Variants in WDR41 observed in about 807,000 individuals in gnomAD.
WDR41 encodes the protein WD repeat domain 41, also known as WD repeat-containing protein 41.
WDR41 carries 63 observed loss-of-function variants against 69.3 expected under a neutral mutation model. The ratio of observed to expected loss-of-function variants is 0.91; its 90% CI spans 0.74 to 1.12. The LOEUF is 1.12. Ranked by LOEUF, WDR41 falls within the 50% of genes most tolerant of loss-of-function variation. The probability of loss-of-function intolerance (pLI) is 0.00; values close to 1 mark genes in which losing one functional copy is unlikely to be tolerated. For synonymous variants in WDR41, 185 were observed against 192.1 expected (o/e 0.96, Z 0.31); for missense variants, 543 against 534.5 (o/e 1.02, Z -0.16).
At chr5:77,544,097 C>G (rs1743145783) in intron 1 of WDR41, among the ~76,000 whole-genome samples, 1 of 152,058 alleles carries the variant, frequency 6.6e-6, no homozygotes, top group South Asian at 2.1e-4. Context: ...CAAACAAATG[C>G]TGAAAGAATT....
intron 1 of WDR41, among the ~76,000 whole-genome samples, chr5:77,586,040 T>C (rs957988064): frequency 3.9e-5 from 6 of 152,192 alleles, no homozygotes; most frequent in Non-Finnish European, 2.9e-5. Flanking sequence ...AAAATAACTC[T>C]ATCTAAAACT....
intron 2 of WDR41, among the ~76,000 whole-genome samples, chr5:77,469,742 A>AAAG (rs1800483519): frequency 1.1e-5 from 1 of 88,152 alleles, no homozygotes; most frequent in African/African-American, 8.3e-5. Context: ...AAAAAGGATA[A>AAAG]AAAGAAACAA....
At chr5:77,499,085 G>C (rs1442234253) in intron 1 of WDR41, among the ~76,000 whole-genome samples, 1 of 152,132 alleles carries the variant, frequency 6.6e-6, no homozygotes, top group Non-Finnish European at 1.5e-5. Flanking sequence ...GTCCAGTTCT[G>C]AGTGAGATAG....
intron 1 of WDR41, among the ~76,000 whole-genome samples, chr5:77,556,070 A>G (rs2112248935): frequency 6.6e-6 from 1 of 150,736 alleles, no homozygotes; most frequent in South Asian, 2.1e-4. Context: ...TTGATTTTTG[A>G]CAAAGGTGGT....
At chr5:77,475,450 C>T (rs1800866223) in intron 2 of WDR41, among the ~76,000 whole-genome samples, 1 of 152,198 alleles carries the variant, frequency 6.6e-6, no homozygotes, top group African/African-American at 2.4e-5. Flanking sequence ...AGCAGTGGTT[C>T]TCCCAGCACG....
At chr5:77,517,030 GGAAAAA>G (rs1374136785) in intron 1 of WDR41, among the ~76,000 whole-genome samples, 1 of 149,494 alleles carries the variant, frequency 6.7e-6, no homozygotes, top group Non-Finnish European at 1.5e-5. Flanking sequence ...AAAAAAAAAA[GGAAAAA>G]GAAAAAGAAA....
chr5:77,492,302 G>C lies in WDR41; in HGVS notation c.-82C>G, dbSNP rs574785165. 13 of 1,572,582 alleles carry C rather than the reference G, an allele frequency of 8.3e-6. No homozygotes were observed. Among genetic ancestry groups the C allele is most frequent in the East Asian group, 6.8e-5 (3 of 43,936 alleles). ...AGGCTCGGCCTCCTCCTTCCTCCCCGGCTGCAGCGCAACTGAGACGCTAAT... is the reference window on the plus strand; with the variant it reads ...AGGCTCGGCCTCCTCCTTCCTCCCCCGCTGCAGCGCAACTGAGACGCTAAT... On this transcript the variant is annotated 5_prime_UTR_variant, in exon 1 of 13. Coordinates refer to ENST00000296679, the MANE Select transcript of WDR41 (RefSeq NM_018268.4).
chr5:77,559,435 C>A (rs930456299), intron 1 of WDR41, among the ~76,000 whole-genome samples: 3 of 152,002 alleles, frequency 2.0e-5, no homozygotes, highest in Admixed American at 2.0e-4. Context: ...TAACAACAGG[C>A]TGGCAAAATT....
intron 2 of WDR41, among the ~76,000 whole-genome samples, chr5:77,485,688 C>T (rs1801486283): frequency 6.6e-6 from 1 of 152,154 alleles, no homozygotes; most frequent in Non-Finnish European, 1.5e-5. Context: ...TTTGCTGAGG[C>T]TTAACCTTCT....
At chr5:77,472,204 C>T (rs1246541119) in intron 2 of WDR41, among the ~76,000 whole-genome samples, 3 of 152,134 alleles carry the variant, frequency 2.0e-5, no homozygotes, top group Non-Finnish European at 4.4e-5. Context: ...GCAGAAAAGG[C>T]CTTTGACAAA....
chr5:77,593,670 T>C lies in WDR41; in HGVS notation c.42+26809A>G, dbSNP rs138592182. On this transcript the variant is annotated intron_variant, in intron 1 of 5. Coordinates refer to the WDR41 transcript ENST00000509971. ...CTAGTTTATAAAAATATTATAGGCA[T>C]AGAATATTAAAGCTGGAAGAGACTT... Among the ~76,000 whole-genome samples, 506 of 152,234 alleles carry C rather than the reference T, an allele frequency of 3.3e-3. 1 individual carries two copies. Among genetic ancestry groups the C allele is most frequent in the African/African-American group, 0.011 (476 of 41,540 alleles).
chr5:77,433,025 A>G lies in WDR41; in HGVS notation c.*110T>C. The G allele has an allele frequency of 5.5e-6, 7 of 1,268,624 alleles. No homozygotes were observed. The highest frequency in any genetic ancestry group is 7.4e-6 in the Non-Finnish European group (7 of 941,030). 78.6% of individuals were successfully genotyped at this position (1,268,624 alleles called of 1,614,324 possible). A position where few individuals can be genotyped will look rare whatever the true frequency, so the allele number is the denominator to read the frequency against. ...AATTTAAACATGTAGAATTTTATGG[A>G]CTGACAAAAAAAATTACCAATTTAA... On this transcript the variant is annotated 3_prime_UTR_variant, in exon 13 of 13. Transcript: ENST00000296679.
chr5:77,473,934 G>A (rs1301419336), intron 2 of WDR41, among the ~76,000 whole-genome samples: 1 of 152,026 alleles, frequency 6.6e-6, no homozygotes, highest in Non-Finnish European at 1.5e-5. Context: ...CCCATTACTG[G>A]GTATATACCC....
At chr5:77,616,993 G>A (rs1467832565) in intron 1 of WDR41, among the ~76,000 whole-genome samples, 1 of 152,104 alleles carries the variant, frequency 6.6e-6, no homozygotes, top group Non-Finnish European at 1.5e-5. Flanking sequence ...CGGCCTTCAG[G>A]GACACTCACT....
In WDR41 at chr5:77,545,670, C is replaced by T. The variant is rs938843089; in HGVS notation, c.43-56098G>A. The T allele has an allele frequency of 1.2e-5, 5 of 430,954 alleles. No homozygotes were observed. In the Admixed American group the frequency reaches 1.2e-4, roughly 11 times the overall value. The allele number at this position is 430,954 out of a possible 1,614,324, so 26.7% of individuals were successfully genotyped here. A position where few individuals can be genotyped will look rare whatever the true frequency, so the allele number is the denominator to read the frequency against. On this transcript the variant is annotated intron_variant, in intron 1 of 5. Coordinates refer to the WDR41 transcript ENST00000509971. ...AGATCATTGACTTTTTCCTGGGGGC[C>T]TCTCTCAAGGATGAGGTTTTAAAGG...
chr5:77,467,201 T>A (rs911287273), intron 2 of WDR41, among the ~76,000 whole-genome samples: 1 of 151,936 alleles, frequency 6.6e-6, no homozygotes, highest in Non-Finnish European at 1.5e-5. Flanking sequence ...AATGGAAGAA[T>A]AGTAATATTG....
intron 1 of WDR41, among the ~76,000 whole-genome samples, chr5:77,544,671 T>C (rs1016914628): frequency 7.2e-5 from 11 of 151,914 alleles, no homozygotes; most frequent in Admixed American, 3.3e-4. Context: ...ATGAATAAAA[T>C]AATTACTAAT....
intron 2 of WDR41, among the ~76,000 whole-genome samples, chr5:77,476,674 T>C (rs942586394): frequency 4.0e-5 from 6 of 151,634 alleles, no homozygotes; most frequent in African/African-American, 1.2e-4. Context: ...CTGAAGGAAG[T>C]GCTAAACATG....
At chr5:77,483,155 T>A (rs1431819211) in intron 2 of WDR41, among the ~76,000 whole-genome samples, 1 of 151,652 alleles carries the variant, frequency 6.6e-6, no homozygotes, top group Non-Finnish European at 1.5e-5. Flanking sequence ...TTTTCTTTTT[T>A]GAGACAGGGT....
Sources: gnomAD v4.1 joint callset for allele counts (sites outside exome capture counted in the v4.1 genomes callset) on GRCh38, gnomAD v4.1.1 for gene constraint, MANE v1.5 for transcripts, NCBI Gene and HGNC (gene_info 2026-07-23, HGNC 2026-07-21) for gene names.